Variants in CACNA1C observed in about 807,000 individuals in gnomAD.
CACNA1C encodes voltage-dependent L-type calcium channel subunit alpha-1C.
CACNA1C carries 30 observed loss-of-function variants against 229.0 expected under a neutral mutation model. The ratio of observed to expected loss-of-function variants is 0.13; its 90% CI spans 0.10 to 0.18. The LOEUF is 0.18. CACNA1C is among the 10% of genes least tolerant of loss of function. The probability of loss-of-function intolerance (pLI) is 1.00; values close to 1 mark genes in which losing one functional copy is unlikely to be tolerated. For missense variants in CACNA1C, 1,658 were observed against 2,845.0 expected (o/e 0.58, Z 9.49); for synonymous variants, 1,114 against 1,132.5 (o/e 0.98, Z 0.33).
At chr12:2,325,219 C>A (rs529342074) in intron 3 of CACNA1C, among the ~76,000 whole-genome samples, 4 of 152,302 alleles carry the variant, frequency 2.6e-5, no homozygotes, top group African/African-American at 7.2e-5. Context: ...CCCTCCTGGG[C>A]AACCTCTGCC....
chr12:1,990,889 T>C (rs1421812717), intron 1 of CACNA1C, among the ~76,000 whole-genome samples: 2 of 151,936 alleles, frequency 1.3e-5, no homozygotes, highest in East Asian at 3.9e-4. Context: ...AACCCTTCTG[T>C]GTACCTTTGA....
intron 3 of CACNA1C, among the ~76,000 whole-genome samples, chr12:2,155,300 A>G (rs1359670041): frequency 6.6e-6 from 1 of 152,142 alleles, no homozygotes. Flanking sequence ...GAGATCATGT[A>G]CTAGAACACC....
At chr12:2,003,683 G>A (rs1247035760) in intron 1 of CACNA1C, among the ~76,000 whole-genome samples, 2 of 152,192 alleles carry the variant, frequency 1.3e-5, no homozygotes, top group Non-Finnish European at 1.5e-5. Context: ...GTGTGCTGCC[G>A]TGTAATAATC....
rs372512470 is a variant in CACNA1C, at chr12:2,094,869, C to T, written c.50-20355C>T. On this transcript the variant is annotated intron_variant, in intron 1 of 46. Coordinates refer to ENST00000399655, the MANE Select transcript of CACNA1C (RefSeq NM_000719.7). ...TCCAGGTGCTCAGCCCTTCCTGTGC[C>T]TCTCCTTCATTGCTGCAGGCCCCAG... 2.0e-5 allele frequency among the ~76,000 whole-genome samples: 3 copies of T among 152,284 alleles called. No individual in the cohort carries two copies. In the South Asian group the frequency reaches 6.2e-4, roughly 32 times the overall value.
At chr12:2,112,522 T>C (rs573283753) in intron 1 of CACNA1C, among the ~76,000 whole-genome samples, 3 of 151,934 alleles carry the variant, frequency 2.0e-5, no homozygotes, top group Non-Finnish European at 4.4e-5. Flanking sequence ...GAGGTGAGAG[T>C]CGGTGTCACA....
intron 9 of CACNA1C, among the ~76,000 whole-genome samples, chr12:2,543,940 C>A (rs746464166): frequency 6.6e-6 from 1 of 152,116 alleles, no homozygotes; most frequent in Non-Finnish European, 1.5e-5. Context: ...GGCTCTCATC[C>A]CCTCAGACAG....
chr12:2,094,817 G>C (rs2073110825), intron 1 of CACNA1C, among the ~76,000 whole-genome samples: 1 of 152,178 alleles, frequency 6.6e-6, no homozygotes. Context: ...TCTGGATGGG[G>C]CCATGCTGGG....
rs2154502422 is a variant in CACNA1C at position 2,053,453 on chromosome 12, G to A, written c.-110G>A. 2 of 1,480,632 alleles carry A rather than the reference G, an allele frequency of 1.4e-6. No individual in the cohort carries two copies. The highest frequency in any genetic ancestry group is 1.4e-5 in the African/African-American group (1 of 70,604). 91.7% of individuals were successfully genotyped at this position (1,480,632 alleles called of 1,614,324 possible). The stretch of plus-strand genomic sequence containing the variant: ...GCAGACCACGGCTTCCTCGAATCTT[G>A]CGCGAAAGCCGCCGGCCTCGGAGGA... On this transcript the variant is annotated 5_prime_UTR_variant, in exon 1 of 47. Coordinates refer to ENST00000399655, the MANE Select transcript of CACNA1C (RefSeq NM_000719.7). The surrounding 1 kb of genome is among the most constrained non-coding windows in gnomAD (Gnocchi z 5.8).
chr12:2,496,837 C>T (rs767802981), intron 7 of CACNA1C, among the ~76,000 whole-genome samples: 13 of 152,278 alleles, frequency 8.5e-5, no homozygotes, highest in Admixed American at 3.3e-4. Context: ...AAACAAAACT[C>T]GGGTTTGGTG....
intron 3 of CACNA1C, among the ~76,000 whole-genome samples, chr12:2,390,135 T>C (rs2098458290): frequency 6.6e-6 from 1 of 152,180 alleles, no homozygotes; most frequent in Non-Finnish European, 1.5e-5. Flanking sequence ...TACGTCTTCT[T>C]TAAGATTTCT....
chr12:2,575,571 G>T lies in CACNA1C; in HGVS notation c.1896-6019G>T, dbSNP rs1042304220. Among the ~76,000 whole-genome samples the T allele has an allele frequency of 1.3e-5, 2 of 152,160 alleles. No individual in the cohort carries two copies. Among genetic ancestry groups the T allele is most frequent in the African/African-American group, 4.8e-5 (2 of 41,446 alleles). On this transcript the variant is annotated intron_variant, in intron 13 of 46. Coordinates refer to ENST00000399655, the MANE Select transcript of CACNA1C (RefSeq NM_000719.7). This position sits in a 1 kb window ranked among gnomAD's most constrained non-coding sequence, Gnocchi z 4.0. ...CCTCCCATGAAGCCCCAGCCACACA[G>T]ATTCACCACAGGGGACTGCTTTATA... is the stretch of plus-strand genomic sequence containing the variant.
chr12:1,983,854 CAAA>C (rs916122309), intron 1 of CACNA1C, among the ~76,000 whole-genome samples: 9 of 151,192 alleles, frequency 6.0e-5, no homozygotes, highest in African/African-American at 2.2e-4. Flanking sequence ...AAAAAAAAAA[CAAA>C]AACTTCTCCT....
chr12:2,093,166 G>A (rs1008100153), intron 1 of CACNA1C, among the ~76,000 whole-genome samples: 1 of 152,256 alleles, frequency 6.6e-6, no homozygotes, highest in Non-Finnish European at 1.5e-5. Context: ...AAGGCCCCTG[G>A]CAGGGCAAAG....
At chr12:2,454,116 C>G (rs936525656) in intron 4 of CACNA1C, among the ~76,000 whole-genome samples, 1 of 152,170 alleles carries the variant, frequency 6.6e-6, no homozygotes, top group African/African-American at 2.4e-5. Context: ...TCCTCTATGC[C>G]TTACTTCTCT....
chr12:2,402,667 T>A (rs1311625772), intron 3 of CACNA1C, among the ~76,000 whole-genome samples: 1 of 152,206 alleles, frequency 6.6e-6, no homozygotes, highest in Non-Finnish European at 1.5e-5. Context: ...GTTGTTGTAA[T>A]CTGGAGATAA....
At chr12:2,128,237 T>A (rs2090920561) in intron 3 of CACNA1C, among the ~76,000 whole-genome samples, 1 of 152,192 alleles carries the variant, frequency 6.6e-6, no homozygotes, top group South Asian at 2.1e-4. Flanking sequence ...CTTTGCTCTG[T>A]TCCCTGGGAT....
chr12:2,160,679 G>A (rs979692825), intron 3 of CACNA1C, among the ~76,000 whole-genome samples: 5 of 152,202 alleles, frequency 3.3e-5, no homozygotes, highest in African/African-American at 7.2e-5. Context: ...TGGCCAGAGA[G>A]CACTTCTTAA....
chr12:2,127,346 C>T (rs1345197539), intron 3 of CACNA1C, among the ~76,000 whole-genome samples: 1 of 152,218 alleles, frequency 6.6e-6, no homozygotes, highest in African/African-American at 2.4e-5. Context: ...CTGCAGTGAA[C>T]TGTGTTTTCT....
At position 2,493,218 on chromosome 12, in the gene CACNA1C, T is replaced by C. The variant is rs756467040; in HGVS notation, c.945T>C (p.Pro315=). 6.2e-7 allele frequency: 1 copy of C among 1,613,954 alleles called. No homozygotes were observed. Among genetic ancestry groups the C allele is most frequent in the Non-Finnish European group, 8.5e-7 (1 of 1,179,840 alleles). Residue 315 remains proline, a synonymous_variant, in exon 7 of 47, where the codon CCT becomes CCC. Coordinates refer to ENST00000399655, the MANE Select transcript of CACNA1C (RefSeq NM_000719.7). The surrounding 1 kb of genome is among the most constrained non-coding windows in gnomAD (Gnocchi z 4.6). The part of the protein sequence containing the change: ...ADVPAEDDPS[P]CALETGHGRQ... The stretch of plus-strand genomic sequence containing the variant: ...TTCCAGCAGAAGATGACCCTTCCCC[T>C]TGTGCGCTGGAAACGGGCCACGGGC...
Sources: allele counts gnomAD v4.1 joint callset (sites outside exome capture counted in the v4.1 genomes callset), GRCh38; gene constraint gnomAD v4.1.1; non-coding constraint Gnocchi (gnomAD v3.1); transcripts MANE v1.5; gene names NCBI Gene and HGNC (gene_info 2026-07-23, HGNC 2026-07-21).